Variants in PRELID2 observed in about 807,000 individuals in gnomAD.
PRELID2 encodes the protein PRELI domain-containing protein 2.
In PRELID2, 25 loss-of-function variants were observed where a neutral mutation model predicts 28.4. That is an observed-to-expected ratio of 0.88 (90% CI 0.64 to 1.23). PRELID2 has a LOEUF of 1.23. PRELID2 is among the 50% of genes most tolerant of loss of function. The probability of loss-of-function intolerance (pLI) is 0.00; values close to 1 mark genes in which losing one functional copy is unlikely to be tolerated. For synonymous variants in PRELID2, 76 were observed against 71.6 expected (o/e 1.06, Z -0.31); for missense variants, 201 against 214.4 (o/e 0.94, Z 0.39).
rs1561558950 is a variant in PRELID2, at chr5:145,724,604, T to TAAATAA, written n.70+40326_70+40327insTTATTT. On this transcript the variant is annotated intron_variant and non_coding_transcript_variant, in intron 1 of 2. Transcript: ENST00000510259. ...TGAAATAACAAGAAGTAAATAAATA[T>TAAATAA]ATATATATATATATATATATATATA... is the stretch of plus-strand genomic sequence containing the variant. 2.1e-4 allele frequency among the ~76,000 whole-genome samples: 7 copies of TAAATAA among 33,320 alleles called. 1 individual carries two copies. The highest frequency in any genetic ancestry group is 1.8e-3 in the African/African-American group (7 of 3,990). The allele number at this position is 33,320 out of a possible 152,430, so 21.9% of individuals were successfully genotyped here. A position where few individuals can be genotyped will look rare whatever the true frequency, so the allele number is the denominator to read the frequency against.
At chr5:145,510,462 G>T (rs556827756) in intron 1 of PRELID2, among the ~76,000 whole-genome samples, 1 of 152,162 alleles carries the variant, frequency 6.6e-6, no homozygotes, top group African/African-American at 2.4e-5. Flanking sequence ...GGCCTCAGAG[G>T]GGGAGGCATT....
chr5:145,313,101 G>A, the PRELID2 span, among the ~76,000 whole-genome samples: 1 of 151,972 alleles, frequency 6.6e-6, no homozygotes, highest in Admixed American at 6.6e-5. Flanking sequence ...TTTTTAACAA[G>A]CTCTCAATAA....
chr5:145,655,900 G>A (rs747271172), intron 1 of PRELID2, among the ~76,000 whole-genome samples: 1 of 152,184 alleles, frequency 6.6e-6, no homozygotes, highest in Non-Finnish European at 1.5e-5. Context: ...ATTGATAAAT[G>A]GGATCTAATT....
At chr5:145,745,914 C>CTTA (rs1031791233) in intron 1 of PRELID2, among the ~76,000 whole-genome samples, 2 of 151,982 alleles carry the variant, frequency 1.3e-5, no homozygotes, top group African/African-American at 2.4e-5. Flanking sequence ...TCCAGCCAAA[C>CTTA]TAAGCTTCAT....
intron 1 of PRELID2, among the ~76,000 whole-genome samples, chr5:145,565,283 G>A (rs757016374): frequency 3.9e-5 from 6 of 152,298 alleles, no homozygotes; most frequent in South Asian, 2.1e-4. Context: ...TGCCAGTGGC[G>A]ATCAGGCCTA....
chr5:145,817,698 C>T (rs1381112697), intron 4 of PRELID2, among the ~76,000 whole-genome samples, 196 bp downstream of exon 4: 1 of 151,870 alleles, frequency 6.6e-6, no homozygotes, highest in Non-Finnish European at 1.5e-5. Context: ...GATGGTGAGA[C>T]AGAAGGTGAA....
At chr5:145,229,255 G>C in the PRELID2 span, 2 of 764,284 alleles carry the variant, frequency 2.6e-6, no homozygotes, top group East Asian at 5.0e-5. Context: ...CTCCCTGGAG[G>C]ATGCCCGAGT....
At chr5:145,754,175 T>A (rs1757197562), downstream of PRELID2, 1 of 152,244 alleles carries the variant, frequency 6.6e-6, no homozygotes, top group South Asian at 2.1e-4. Context: ...CTGACTCAGA[T>A]GAGGTGGTCT....
downstream of PRELID2, among the ~76,000 whole-genome samples, chr5:145,755,119 G>A (rs567941476): frequency 2.5e-4 from 38 of 152,264 alleles, no homozygotes; most frequent in African/African-American, 9.1e-4. Flanking sequence ...GTACAATCTT[G>A]AAGACAAACT....
intron 1 of PRELID2, among the ~76,000 whole-genome samples, chr5:145,603,920 G>T (rs1386604885): frequency 6.6e-6 from 1 of 151,912 alleles, no homozygotes; most frequent in Non-Finnish European, 1.5e-5. Flanking sequence ...TAAACAGAAT[G>T]ATTAAATAGA....
At chr5:145,351,636 T>C in the PRELID2 span, among the ~76,000 whole-genome samples, 4 of 152,176 alleles carry the variant, frequency 2.6e-5, no homozygotes, top group South Asian at 6.2e-4. Context: ...CAAAACACAA[T>C]CATGCCTTTC....
downstream of PRELID2, among the ~76,000 whole-genome samples, chr5:145,755,792 G>A (rs185807827): frequency 6.6e-6 from 1 of 152,226 alleles, no homozygotes; most frequent in Admixed American, 6.5e-5. Flanking sequence ...CACAGCAGAT[G>A]CTCAATAAAT....
the PRELID2 span, among the ~76,000 whole-genome samples, chr5:145,242,489 T>C: frequency 6.6e-6 from 1 of 152,016 alleles, no homozygotes; most frequent in Admixed American, 6.6e-5. Context: ...TATTAAAGGG[T>C]CTGTCCAAGG....
the PRELID2 span, among the ~76,000 whole-genome samples, chr5:145,319,503 T>G: frequency 6.6e-6 from 1 of 151,914 alleles, no homozygotes; most frequent in Non-Finnish European, 1.5e-5. Context: ...ACCCCATTTC[T>G]ACTAAATATA....
At chr5:145,683,982 C>T (rs577876666) in intron 1 of PRELID2, among the ~76,000 whole-genome samples, 1 of 152,106 alleles carries the variant, frequency 6.6e-6, no homozygotes, top group Non-Finnish European at 1.5e-5. Flanking sequence ...ACAAAGTTTT[C>T]TAGAGGGGAG....
intron 1 of PRELID2, among the ~76,000 whole-genome samples, chr5:145,687,850 GT>G (rs1296476719): frequency 2.6e-5 from 4 of 152,184 alleles, no homozygotes; most frequent in Non-Finnish European, 4.4e-5. Flanking sequence ...AATAAAGTCA[GT>G]GCTATTAGTC....
the PRELID2 span, among the ~76,000 whole-genome samples, chr5:145,285,523 G>A: frequency 6.6e-6 from 1 of 152,124 alleles, no homozygotes; most frequent in South Asian, 2.1e-4. Flanking sequence ...ACTCTGGTCT[G>A]TGGTACATTT....
intron 1 of PRELID2, among the ~76,000 whole-genome samples, chr5:145,491,080 T>A (rs1752264645): frequency 6.6e-6 from 1 of 152,124 alleles, no homozygotes; most frequent in Admixed American, 6.6e-5. Flanking sequence ...TGTATTAAAC[T>A]GATAAGACTT....
At chr5:145,533,084 G>A (rs1036756766) in intron 1 of PRELID2, among the ~76,000 whole-genome samples, 3 of 151,894 alleles carry the variant, frequency 2.0e-5, no homozygotes, top group Non-Finnish European at 4.4e-5. Context: ...TCTTAGAATG[G>A]GTCTTGACCA....
Sources: allele counts gnomAD v4.1 joint callset (sites outside exome capture counted in the v4.1 genomes callset), GRCh38; gene constraint gnomAD v4.1.1; transcripts MANE v1.5; gene names NCBI Gene and HGNC (gene_info 2026-07-23, HGNC 2026-07-21).